The following NUP160 variants were observed in gnomAD, a reference collection of about 807,000 sequenced individuals.
NUP160 encodes nuclear pore complex protein Nup160.
A neutral mutation model predicts 196.9 loss-of-function variants in NUP160; 94 were observed. That is an observed-to-expected ratio of 0.48 (90% CI 0.40 to 0.57). NUP160 has a LOEUF of 0.57. Among genes scored for constraint, NUP160 ranks in the 20% least tolerant of loss-of-function variants. The probability of loss-of-function intolerance (pLI) is 0.00; values close to 1 mark genes in which losing one functional copy is unlikely to be tolerated. For synonymous variants in NUP160, 605 were observed against 619.7 expected, an observed-to-expected ratio of 0.98 and a Z score of 0.35; for missense variants, 1,638 against 1,748.3, an observed-to-expected ratio of 0.94 and a Z score of 1.13.
chr11:47,831,582 G>T (rs71475992), intron 7 of NUP160, among the ~76,000 whole-genome samples: 3 of 151,312 alleles, frequency 2.0e-5, no homozygotes, highest in Admixed American at 2.0e-4. Context: ...AGTGGCTCAC[G>T]CCTGTAATCC....
rs756488652 is a variant in NUP160 at position 47,847,923 on chromosome 11, C to G, written c.239G>C (p.Ser80Thr). The G allele has an allele frequency of 5.0e-6, 8 of 1,614,182 alleles. No homozygotes were observed. The South Asian group carries it at 6.6e-5, about 13-fold the overall frequency. ...GTAGTAAAAGCCTCCCGCGCTTTCA[C>G]TGTATTTTACGGCGCCAGCCACGGC... Residue 80 changes from serine (S) to threonine (T), a missense_variant, in exon 2 of 36, where the codon AGT becomes ACT. This residue lies in a region of NUP160 where 287 missense variants were observed against 259.5 expected (regional missense o/e 1.11). Coordinates refer to ENST00000378460, the Ensembl canonical transcript of NUP160.
chr11:47,801,723 A>G, intron 23 of NUP160, 88 bp downstream of exon 23: 1 of 1,213,482 alleles, frequency 8.2e-7, no homozygotes, highest in Non-Finnish European at 1.2e-6. Context: ...GAATTTTTAT[A>G]GTATTTTTCT....
At chr11:47,840,497 T>C (rs752494158) in exon 3 of NUP160, 17 of 1,613,996 alleles carry the variant, frequency 1.1e-5, no homozygotes, top group Middle Eastern at 1.6e-4. Flanking sequence ...GGTAAAACAC[T>C]GCAATTTTGG....
rs150966768 is a variant in NUP160 at position 47,821,663 on chromosome 11, C to T, written c.1277+61G>A. The T allele has an allele frequency of 3.9e-4, 495 of 1,283,716 alleles. 1 individual carries two copies. The African/African-American group carries it at 6.2e-3, about 16-fold the overall frequency. 79.5% of individuals were successfully genotyped at this position (1,283,716 alleles called of 1,614,324 possible). Reference sequence around the variant, plus strand: ...GCATGAGACACGGCGCCCGGCCTCTCGTCTTCTTAGCATGAAATTGCTTGG... The same window carrying T: ...GCATGAGACACGGCGCCCGGCCTCTTGTCTTCTTAGCATGAAATTGCTTGG... On this transcript the variant is annotated intron_variant, in intron 9 of 35. Coordinates refer to ENST00000378460, the Ensembl canonical transcript of NUP160.
At chr11:47,797,050 G>A (rs548862202) in intron 27 of NUP160, among the ~76,000 whole-genome samples, 45 of 152,246 alleles carry the variant, frequency 3.0e-4, no homozygotes, top group Admixed American at 5.2e-4. Flanking sequence ...AGGGGATGTG[G>A]GACAATCTAA....
At chr11:47,841,506 G>A (rs1413446947) in intron 2 of NUP160, 2 of 401,046 alleles carry the variant, frequency 5.0e-6, no homozygotes, top group African/African-American at 2.1e-5. Context: ...ATTGGGTCAT[G>A]CTCACTGGCC....
intron 4 of NUP160, among the ~76,000 whole-genome samples, chr11:47,838,272 A>G (rs937263489): frequency 6.6e-6 from 1 of 152,204 alleles, no homozygotes; most frequent in Admixed American, 6.5e-5. Context: ...TTCCTGGCAT[A>G]TTCAAGGAAT....
intron 18 of NUP160, 31 bp from the exon 19 acceptor site, chr11:47,807,171 A>C: frequency 7.4e-7 from 1 of 1,351,912 alleles, no homozygotes; most frequent in Non-Finnish European, 1.1e-6. Context: ...ACAGCTTAGT[A>C]AATTCTCCTA....
intron 23 of NUP160, among the ~76,000 whole-genome samples, chr11:47,801,003 A>G (rs2097673883): frequency 6.6e-6 from 1 of 152,224 alleles, no homozygotes; most frequent in Non-Finnish European, 1.5e-5. Flanking sequence ...CAGCAGGCAG[A>G]AAGGCCCTAA....
intron 34 of NUP160, among the ~76,000 whole-genome samples, chr11:47,781,337 A>C (rs1381058032): frequency 6.6e-6 from 1 of 151,684 alleles, no homozygotes; most frequent in African/African-American, 2.4e-5. Context: ...ATCATAGCTC[A>C]CTGTACCCTC....
exon 1 of NUP160, chr11:47,848,284 A>T (rs150879687): frequency 6.2e-7 from 1 of 1,614,076 alleles, no homozygotes; most frequent in Non-Finnish European, 8.5e-7. Context: ...GCTTAGCTCC[A>T]CGAAGCTCCG....
At chr11:47,803,142 A>AAATAATAAT (rs55654627) in intron 22 of NUP160, among the ~76,000 whole-genome samples, 26,549 of 138,800 alleles carry the variant, frequency 0.19, 2,722 homozygotes, top group South Asian at 0.32. Context: ...TGATTTTACA[A>AAATAATAAT]AATAATAATA....
intron 7 of NUP160, among the ~76,000 whole-genome samples, chr11:47,822,552 G>A (rs1057188883): frequency 5.3e-5 from 8 of 151,320 alleles, no homozygotes; most frequent in African/African-American, 1.9e-4. Flanking sequence ...CACTGCACCC[G>A]GCCAAAAATT....
At chr11:47,831,842 C>CAAAAAAAAAAAAAAAAAAA (rs372159602) in intron 7 of NUP160, among the ~76,000 whole-genome samples, 11 of 66,682 alleles carry the variant, frequency 1.6e-4, no homozygotes, top group African/African-American at 7.8e-4. Context: ...GACTCTCTCT[C>CAAAAAAAAAAAAAAAAAAA]AAAAAAAAAA....
chr11:47,842,289 T>C (rs1191308316), intron 2 of NUP160, among the ~76,000 whole-genome samples: 1 of 152,070 alleles, frequency 6.6e-6, no homozygotes, highest in Non-Finnish European at 1.5e-5. Context: ...TCTTATCTAC[T>C]CCCAAGGATG....
chr11:47,806,441 G>A (rs2097677681), intron 19 of NUP160, 129 bp from the exon 20 acceptor site: 1 of 664,710 alleles, frequency 1.5e-6, no homozygotes, highest in Non-Finnish European at 2.5e-6. Context: ...TGTATCACGG[G>A]TATATATCCA....
intron 17 of NUP160, among the ~76,000 whole-genome samples, chr11:47,811,761 A>G (rs1343587555): frequency 1.3e-5 from 2 of 152,262 alleles, no homozygotes; most frequent in East Asian, 1.9e-4. Context: ...GGTTTGCTGC[A>G]CAGATCAACC....
At chr11:47,832,704 T>C (rs1599343200) in intron 7 of NUP160, among the ~76,000 whole-genome samples, 1 of 152,226 alleles carries the variant, frequency 6.6e-6, no homozygotes, top group Non-Finnish European at 1.5e-5. Flanking sequence ...CTGATCTGAT[T>C]TGAGTTAACA....
intron 32 of NUP160, 38 bp from the exon 33 acceptor site, chr11:47,785,101 C>CATTTTTTTTT: frequency 9.0e-7 from 1 of 1,107,980 alleles, no homozygotes; most frequent in Non-Finnish European, 1.3e-6. Flanking sequence ...GTTTCAGATT[C>CATTTTTTTTT]TTAATAGCTA....
Sources: gnomAD v4.1 joint callset for allele counts (sites outside exome capture counted in the v4.1 genomes callset) on GRCh38, gnomAD v4.1.1 for gene constraint, gnomAD v4.1.1 regional missense constraint, MANE v1.5 for transcripts, NCBI Gene and HGNC (gene_info 2026-07-23, HGNC 2026-07-21) for gene names.